Variants in SEMA3E observed in about 807,000 individuals in gnomAD.
The protein encoded by SEMA3E is semaphorin-3E.
A neutral mutation model predicts 93.6 loss-of-function variants in SEMA3E; 49 were observed. That is an observed-to-expected ratio of 0.52 (90% confidence interval 0.42 to 0.66). The LOEUF (loss-of-function observed/expected upper bound fraction) is 0.66, where lower values mean the gene tolerates loss of function less well. Among genes scored for constraint, SEMA3E ranks in the 30% least tolerant of loss-of-function variants. The pLI is 0.00. For synonymous variants in SEMA3E, 363 were observed against 330.7 expected (o/e 1.10, Z -1.06); for missense variants, 906 against 964.8 (o/e 0.94, Z 0.81).
chr7:83,579,547 T>C (rs924799836), intron 1 of SEMA3E, among the ~76,000 whole-genome samples: 1 of 152,098 alleles, frequency 6.6e-6, no homozygotes, highest in Non-Finnish European at 1.5e-5. Flanking sequence ...ATTTCTGCAT[T>C]TCACTTGTAG....
chr7:83,541,103 G>A (rs1791521980), intron 1 of SEMA3E, among the ~76,000 whole-genome samples: 1 of 152,188 alleles, frequency 6.6e-6, no homozygotes, highest in Admixed American at 6.5e-5. Flanking sequence ...CAAGTTAGGT[G>A]AGAGTCTGGG....
intron 1 of SEMA3E, among the ~76,000 whole-genome samples, chr7:83,502,902 T>C (rs1790622167): frequency 6.6e-6 from 1 of 152,140 alleles, no homozygotes; most frequent in African/African-American, 2.4e-5. Context: ...TGTCTCACTG[T>C]CCTCATTGTG....
intron 1 of SEMA3E, among the ~76,000 whole-genome samples, chr7:83,539,849 T>TTTTGTTGC (rs1791481632): frequency 1.8e-5 from 1 of 56,688 alleles, no homozygotes; most frequent in Non-Finnish European, 4.5e-5. Context: ...TTTTGTTTTG[T>TTTTGTTGC]TGTTTCTGTG....
At chr7:83,641,887 T>G (rs1361956255) in intron 1 of SEMA3E, among the ~76,000 whole-genome samples, 1 of 152,228 alleles carries the variant, frequency 6.6e-6, no homozygotes, top group East Asian at 1.9e-4. Context: ...GTAATCTGCA[T>G]TATCTCATGT....
At chr7:83,634,171 CATA>C (rs1463708707) in intron 1 of SEMA3E, among the ~76,000 whole-genome samples, 3 of 152,078 alleles carry the variant, frequency 2.0e-5, no homozygotes, top group Non-Finnish European at 2.9e-5. Flanking sequence ...GTCTAATACG[CATA>C]ATATTATATT....
At chr7:83,451,754 T>C (rs977404365) in intron 4 of SEMA3E, among the ~76,000 whole-genome samples, 1 of 152,204 alleles carries the variant, frequency 6.6e-6, no homozygotes, top group Non-Finnish European at 1.5e-5. Context: ...AAAATCACAA[T>C]TTACTATGTG....
In SEMA3E at chr7:83,509,565, A is replaced by C. The variant is rs188198800; in HGVS notation, c.116-19291T>G. 1.9e-3 allele frequency among the ~76,000 whole-genome samples: 287 copies of C among 152,276 alleles called. 2 individuals are homozygous for C. The highest frequency in any genetic ancestry group is 3.4e-3 in the Non-Finnish European group (232 of 68,022). ...CAAAACAAAACAAAAACAAACAAAA[A>C]AACCAACTTATATCTATGGTAAATT... On this transcript the variant is annotated intron_variant, in intron 1 of 16. Transcript: ENST00000643230.
intron 1 of SEMA3E, among the ~76,000 whole-genome samples, chr7:83,525,594 T>C (rs1451094282): frequency 6.6e-6 from 1 of 152,062 alleles, no homozygotes; most frequent in East Asian, 1.9e-4. Flanking sequence ...TTTTTACAAC[T>C]TCCTCTGAGA....
At chr7:83,505,822 T>C (rs1790691376) in intron 1 of SEMA3E, among the ~76,000 whole-genome samples, 1 of 151,840 alleles carries the variant, frequency 6.6e-6, no homozygotes, top group African/African-American at 2.4e-5. Context: ...GAGAACATCC[T>C]GGCTAACATG....
At chr7:83,527,189 GA>G (rs869028151) in intron 1 of SEMA3E, among the ~76,000 whole-genome samples, 145 of 104,372 alleles carry the variant, frequency 1.4e-3, no homozygotes, top group African/African-American at 3.5e-3. Flanking sequence ...AAGTGGGGGG[GA>G]AAAAAAGGTT....
At chr7:83,465,156 A>AT (rs1181441541) in intron 4 of SEMA3E, among the ~76,000 whole-genome samples, 1 of 151,922 alleles carries the variant, frequency 6.6e-6, no homozygotes, top group Non-Finnish European at 1.5e-5. Flanking sequence ...CTGGCTCAAA[A>AT]AACACCTCCA....
intron 5 of SEMA3E, among the ~76,000 whole-genome samples, chr7:83,415,382 C>A (rs1788520630): frequency 6.6e-6 from 1 of 151,970 alleles, no homozygotes; most frequent in African/African-American, 2.4e-5. Context: ...TGTGTTACTA[C>A]AAAGACGCAT....
At position 83,648,675 on chromosome 7, in the gene SEMA3E, G is replaced by C; in HGVS notation, c.-133C>G. On this transcript the variant is annotated 5_prime_UTR_variant, in exon 1 of 17. Coordinates refer to ENST00000643230, the MANE Select transcript of SEMA3E (RefSeq NM_012431.3). ...GAACGCGTTGTCATCAGAAAGCACA[G>C]TTCCGAAGTGCCATTTGTCAGGCTG... is the stretch of plus-strand genomic sequence containing the variant. 1 of 726,472 alleles carries C rather than the reference G, an allele frequency of 1.4e-6. No individual in the cohort carries two copies. Among genetic ancestry groups the C allele is most frequent in the Non-Finnish European group, 2.5e-6 (1 of 397,492 alleles). 45.0% of individuals were successfully genotyped at this position (726,472 alleles called of 1,614,324 possible).
chr7:83,429,426 A>G (rs912271075), intron 4 of SEMA3E, among the ~76,000 whole-genome samples: 4 of 152,106 alleles, frequency 2.6e-5, no homozygotes, highest in Admixed American at 6.5e-5. Context: ...CTTTAATTCC[A>G]CATTGACAGC....
intron 4 of SEMA3E, among the ~76,000 whole-genome samples, chr7:83,422,978 A>G (rs1427465148): frequency 1.3e-5 from 2 of 152,176 alleles, no homozygotes; most frequent in Admixed American, 1.3e-4. Context: ...ATCATAATAT[A>G]GGTTCTTGAG....
rs1787847558 is a variant in SEMA3E at position 83,384,848 on chromosome 7, G to T, written c.1875+446C>A. On this transcript the variant is annotated intron_variant, in intron 16 of 16. Transcript: ENST00000643230. ...AATTTTCTTCTACAATGAGCTTAAT[G>T]TTGTAGCTGTGTTGTTATTTTAATT... Among the ~76,000 whole-genome samples, 3 of 151,958 alleles carry T rather than the reference G, an allele frequency of 2.0e-5. No individual in the cohort carries two copies. The Admixed American group carries it at 2.0e-4, about 10-fold the overall frequency.
chr7:83,456,594 T>TTTTA (rs1311404288), intron 4 of SEMA3E, among the ~76,000 whole-genome samples: 1,690 of 37,906 alleles, frequency 0.045, 45 homozygotes, highest in African/African-American at 0.13. Flanking sequence ...AACGACTCTA[T>TTTTA]TTTATTTATT....
intron 1 of SEMA3E, among the ~76,000 whole-genome samples, chr7:83,572,595 C>T (rs945001587): frequency 2.0e-5 from 3 of 151,990 alleles, no homozygotes; most frequent in East Asian, 1.9e-4. Flanking sequence ...GCTGAGATCA[C>T]GCCACTGCAC....
intron 1 of SEMA3E, among the ~76,000 whole-genome samples, chr7:83,589,510 T>G (rs1041468551): frequency 6.6e-6 from 1 of 152,110 alleles, no homozygotes; most frequent in Admixed American, 6.6e-5. Context: ...TCACGAGACA[T>G]CTAGGCCTGA....
Sources: gnomAD v4.1 joint callset for allele counts (sites outside exome capture counted in the v4.1 genomes callset) on GRCh38, gnomAD v4.1.1 for gene constraint, MANE v1.5 for transcripts, NCBI Gene and HGNC (gene_info 2026-07-23, HGNC 2026-07-21) for gene names.